The following KHDRBS3 variants were observed in gnomAD, a reference collection of about 807,000 sequenced individuals.
The protein encoded by KHDRBS3 is KH RNA binding domain containing, signal transduction associated 3.
In KHDRBS3, 23 loss-of-function variants were observed where a neutral mutation model predicts 45.6. The ratio of observed to expected loss-of-function variants is 0.50; its 90% CI spans 0.36 to 0.72. The LOEUF (loss-of-function observed/expected upper bound fraction) is 0.72, where lower values mean the gene tolerates loss of function less well. Ranked by LOEUF, KHDRBS3 falls within the 30% of genes least tolerant of loss-of-function variation. The probability of loss-of-function intolerance (pLI) is 0.00; values close to 1 mark genes in which losing one functional copy is unlikely to be tolerated. For synonymous variants in KHDRBS3, 162 were observed against 156.5 expected, an observed-to-expected ratio of 1.04 and a Z score of -0.26; for missense variants, 352 against 424.8, an observed-to-expected ratio of 0.83 and a Z score of 1.51.
intron 1 of KHDRBS3, among the ~76,000 whole-genome samples, chr8:135,467,260 ATATAT>A (rs1271203002): frequency 2.6e-5 from 4 of 152,204 alleles, no homozygotes; most frequent in African/African-American, 9.6e-5. Flanking sequence ...TCTGTTCCTC[ATATAT>A]TATCTTTTAC....
intron 1 of KHDRBS3, among the ~76,000 whole-genome samples, chr8:135,499,195 G>A (rs1414896815): frequency 1.3e-5 from 2 of 152,086 alleles, no homozygotes; most frequent in Non-Finnish European, 2.9e-5. Flanking sequence ...ATGTGCATAC[G>A]GGAAATATAA....
chr8:135,519,197 T>G (rs984617229), intron 1 of KHDRBS3, among the ~76,000 whole-genome samples: 1 of 152,230 alleles, frequency 6.6e-6, no homozygotes, highest in Non-Finnish European at 1.5e-5. Context: ...CCCTGCTTCC[T>G]TCCGTCTCCC....
intron 5 of KHDRBS3, among the ~76,000 whole-genome samples, chr8:135,581,584 A>G (rs1344116902): frequency 1.3e-5 from 2 of 152,170 alleles, no homozygotes; most frequent in Admixed American, 6.5e-5. Context: ...ATGGCATTAT[A>G]TAGAAGTCTT....
intron 7 of KHDRBS3, among the ~76,000 whole-genome samples, chr8:135,608,449 C>G (rs1829564514): frequency 6.6e-6 from 1 of 152,164 alleles, no homozygotes; most frequent in African/African-American, 2.4e-5. Context: ...TGTAGGTTGT[C>G]TGAACACATC....
chr8:135,526,852 T>C (rs1184164901), intron 2 of KHDRBS3, among the ~76,000 whole-genome samples: 3 of 152,174 alleles, frequency 2.0e-5, no homozygotes, highest in Non-Finnish European at 4.4e-5. Flanking sequence ...TATCTGAGCT[T>C]ATAAAGGGTG....
chr8:135,485,666 T>C (rs1822816499), intron 1 of KHDRBS3, among the ~76,000 whole-genome samples: 1 of 151,856 alleles, frequency 6.6e-6, no homozygotes, highest in Non-Finnish European at 1.5e-5. Flanking sequence ...TATTCCTGAG[T>C]GATATAATCA....
chr8:135,505,482 AC>A (rs1227359520), intron 1 of KHDRBS3, among the ~76,000 whole-genome samples: 4 of 152,054 alleles, frequency 2.6e-5, no homozygotes, highest in Non-Finnish European at 5.9e-5. Context: ...TTTCCACTAT[AC>A]TTCAGGAATT....
At chr8:135,475,140 A>T (rs1420505366) in intron 1 of KHDRBS3, among the ~76,000 whole-genome samples, 2 of 152,194 alleles carry the variant, frequency 1.3e-5, no homozygotes, top group African/African-American at 2.4e-5. Context: ...GGTGGTTACT[A>T]ACTTAGTTCC....
At chr8:135,623,946 C>T (rs1830254894) in intron 7 of KHDRBS3, among the ~76,000 whole-genome samples, 1 of 152,136 alleles carries the variant, frequency 6.6e-6, no homozygotes. Flanking sequence ...ACACATTTTG[C>T]AGAGTCCTGC....
At chr8:135,573,066 A>G (rs1827782794) in intron 5 of KHDRBS3, among the ~76,000 whole-genome samples, 1 of 152,142 alleles carries the variant, frequency 6.6e-6, no homozygotes, top group Non-Finnish European at 1.5e-5. Context: ...GGTTTTTCTC[A>G]CTGTGACCCC....
At chr8:135,516,570 TTGTG>T (rs56155377) in intron 1 of KHDRBS3, among the ~76,000 whole-genome samples, 123 of 149,138 alleles carry the variant, frequency 8.2e-4, no homozygotes, top group African/African-American at 2.5e-3. Flanking sequence ...GTTTCTTACA[TTGTG>T]TGTGTGTGTG....
chr8:135,601,166 C>T (rs1240702949), intron 6 of KHDRBS3, among the ~76,000 whole-genome samples: 2 of 152,206 alleles, frequency 1.3e-5, no homozygotes, highest in East Asian at 3.9e-4. Context: ...CCTGCTTTGC[C>T]TCTAGAGGCA....
intron 2 of KHDRBS3, among the ~76,000 whole-genome samples, chr8:135,536,153 C>T (rs1201081435): frequency 6.6e-6 from 1 of 151,334 alleles, no homozygotes; most frequent in Non-Finnish European, 1.5e-5. Flanking sequence ...TTATTTCTCC[C>T]TGTAGATTCC....
At chr8:135,529,561 G>A (rs1825362007) in intron 2 of KHDRBS3, among the ~76,000 whole-genome samples, 1 of 152,108 alleles carries the variant, frequency 6.6e-6, no homozygotes, top group South Asian at 2.1e-4. Flanking sequence ...AAAACAGCCA[G>A]GCATATATTG....
In KHDRBS3 at chr8:135,583,099, A is replaced by G. The variant is rs1292740487; in HGVS notation, c.807+1026A>G. 2.6e-5 allele frequency among the ~76,000 whole-genome samples: 4 copies of G among 152,070 alleles called. No individual in the cohort carries two copies. In the East Asian group the frequency reaches 5.8e-4, roughly 22 times the overall value. On this transcript the variant is annotated intron_variant, in intron 6 of 8. Transcript: ENST00000355849. ...CTTGTGTCCTTCTACACGTAGGTCA[A>G]TCATTGCTAGGGAAATTTAGAGGTG...
At chr8:135,513,672 G>A (rs1450864353) in intron 1 of KHDRBS3, among the ~76,000 whole-genome samples, 2 of 152,150 alleles carry the variant, frequency 1.3e-5, no homozygotes, top group Admixed American at 6.6e-5. Context: ...GATGCAGAAA[G>A]TGGACCCTTT....
At chr8:135,587,295 T>A (rs995471564) in intron 6 of KHDRBS3, among the ~76,000 whole-genome samples, 1 of 152,190 alleles carries the variant, frequency 6.6e-6, no homozygotes, top group Non-Finnish European at 1.5e-5. Context: ...AGCAAATACA[T>A]CTATTTGACT....
At chr8:135,491,806 A>G (rs1181860526) in intron 1 of KHDRBS3, among the ~76,000 whole-genome samples, 2 of 152,164 alleles carry the variant, frequency 1.3e-5, no homozygotes. Flanking sequence ...ATTTTTACTT[A>G]TAATTCAGAA....
At chr8:135,604,875 T>C (rs974505227) in intron 6 of KHDRBS3, among the ~76,000 whole-genome samples, 1 of 151,954 alleles carries the variant, frequency 6.6e-6, no homozygotes, top group Non-Finnish European at 1.5e-5. Flanking sequence ...TAACTTCTCC[T>C]TCATTTTTGA....
Sources: gnomAD v4.1 joint callset for allele counts (sites outside exome capture counted in the v4.1 genomes callset) on GRCh38, gnomAD v4.1.1 for gene constraint, MANE v1.5 for transcripts, NCBI Gene and HGNC (gene_info 2026-07-23, HGNC 2026-07-21) for gene names.